The following NAALADL2 variants were observed in gnomAD, a reference collection of about 807,000 sequenced individuals.
NAALADL2 encodes the protein inactive N-acetylated-alpha-linked acidic dipeptidase-like protein 2.
NAALADL2 carries 76 observed loss-of-function variants against 87.2 expected under a neutral mutation model. That is an observed-to-expected ratio of 0.87 (90% CI 0.72 to 1.05). The LOEUF is 1.05. Among genes scored for constraint, NAALADL2 ranks in the 50% least tolerant of loss-of-function variants. The probability of loss-of-function intolerance (pLI) is 0.00; values close to 1 mark genes in which losing one functional copy is unlikely to be tolerated. For synonymous variants in NAALADL2, 354 were observed against 331.0 expected, an observed-to-expected ratio of 1.07 and a Z score of -0.75; for missense variants, 1,089 against 945.8, an observed-to-expected ratio of 1.15 and a Z score of -1.99.
At chr3:174,566,475 T>C (rs1000332413) in intron 2 of NAALADL2, among the ~76,000 whole-genome samples, 1 of 151,834 alleles carries the variant, frequency 6.6e-6, no homozygotes, top group Non-Finnish European at 1.5e-5. Context: ...AGTTTTACCA[T>C]GATGTGCCTA....
chr3:174,855,222 C>T (rs1395745507), upstream of NAALADL2, among the ~76,000 whole-genome samples: 1 of 152,056 alleles, frequency 6.6e-6, no homozygotes, highest in Non-Finnish European at 1.5e-5. Flanking sequence ...ATGTCTTATG[C>T]AAGACATTTT....
intron 3 of NAALADL2, among the ~76,000 whole-genome samples, chr3:174,778,546 A>G (rs891161015): frequency 2.6e-5 from 4 of 151,984 alleles, no homozygotes; most frequent in African/African-American, 9.7e-5. Flanking sequence ...GGTTTGTTAC[A>G]TGGGTATACA....
At chr3:175,774,572 A>G (rs888735878) in intron 13 of NAALADL2, among the ~76,000 whole-genome samples, 4 of 149,888 alleles carry the variant, frequency 2.7e-5, no homozygotes, top group Non-Finnish European at 4.5e-5. Context: ...TTGTTTGCAG[A>G]AAAAAAAAAT....
chr3:174,879,796 T>C (rs975795148), intron 1 of NAALADL2, among the ~76,000 whole-genome samples: 1 of 152,106 alleles, frequency 6.6e-6, no homozygotes, highest in East Asian at 1.9e-4. Flanking sequence ...AAGCCCATTT[T>C]CATCAAGCAT....
chr3:175,641,754 T>C (rs1002707776), intron 11 of NAALADL2, among the ~76,000 whole-genome samples: 7 of 152,206 alleles, frequency 4.6e-5, no homozygotes, highest in Admixed American at 6.5e-5. Flanking sequence ...AAAATTTTCC[T>C]ACTTACAGCT....
chr3:174,746,937 A>G (rs888452599), intron 3 of NAALADL2, among the ~76,000 whole-genome samples: 1 of 152,196 alleles, frequency 6.6e-6, no homozygotes, highest in Non-Finnish European at 1.5e-5. Flanking sequence ...CTCAAGATGG[A>G]TTAAAGACTG....
chr3:174,561,460 A>G (rs1399183674), intron 2 of NAALADL2, among the ~76,000 whole-genome samples: 1 of 152,008 alleles, frequency 6.6e-6, no homozygotes, highest in African/African-American at 2.4e-5. Context: ...TCGGCCTCCC[A>G]AAGTGCTGAG....
chr3:174,465,949 A>G (rs1435068769), intron 1 of NAALADL2, among the ~76,000 whole-genome samples: 1 of 152,128 alleles, frequency 6.6e-6, no homozygotes, highest in Admixed American at 6.5e-5. Flanking sequence ...AAGAGACCCA[A>G]CAGTTACACT....
intron 2 of NAALADL2, among the ~76,000 whole-genome samples, chr3:174,629,999 T>C (rs1721953022): frequency 6.6e-6 from 1 of 152,178 alleles, no homozygotes; most frequent in African/African-American, 2.4e-5. Context: ...CAACGTAATA[T>C]ACCATTTGGG....
chr3:175,678,718 C>G (rs1168764983), intron 11 of NAALADL2, among the ~76,000 whole-genome samples: 3 of 152,026 alleles, frequency 2.0e-5, no homozygotes, highest in African/African-American at 7.2e-5. Context: ...ACACCAGGGC[C>G]TGTCGTGGGG....
intron 10 of NAALADL2, among the ~76,000 whole-genome samples, chr3:175,581,618 TA>T (rs1352824676): frequency 2.0e-5 from 3 of 152,306 alleles, no homozygotes; most frequent in African/African-American, 7.2e-5. Flanking sequence ...ACTTAATGAG[TA>T]TTAGTTTCCT....
At chr3:174,756,736 T>G (rs1459156689) in intron 3 of NAALADL2, among the ~76,000 whole-genome samples, 1 of 152,192 alleles carries the variant, frequency 6.6e-6, no homozygotes, top group Non-Finnish European at 1.5e-5. Context: ...AGTAAAGATC[T>G]GCAGCACTTG....
intron 13 of NAALADL2, among the ~76,000 whole-genome samples, chr3:175,791,470 A>C (rs950386852): frequency 2.0e-5 from 3 of 152,136 alleles, no homozygotes; most frequent in Non-Finnish European, 4.4e-5. Context: ...TTTACATCTG[A>C]AAGAAGAGAA....
At chr3:175,662,199 T>A (rs1732352136) in intron 11 of NAALADL2, among the ~76,000 whole-genome samples, 1 of 151,984 alleles carries the variant, frequency 6.6e-6, no homozygotes, top group African/African-American at 2.4e-5. Flanking sequence ...CTTGCAGCGA[T>A]CTTTTATTTC....
intron 5 of NAALADL2, among the ~76,000 whole-genome samples, chr3:175,342,890 A>G (rs1762709210): frequency 6.6e-6 from 1 of 152,090 alleles, no homozygotes; most frequent in South Asian, 2.1e-4. Flanking sequence ...TCCTTTTGGA[A>G]AAGTCTAATA....
intron 2 of NAALADL2, among the ~76,000 whole-genome samples, chr3:174,570,058 C>T (rs1222895440): frequency 6.6e-6 from 1 of 152,112 alleles, no homozygotes; most frequent in Non-Finnish European, 1.5e-5. Flanking sequence ...ATCTGGAAAG[C>T]ACTTCCAGTC....
In NAALADL2 at chr3:174,479,571, A is replaced by G. The variant is rs552874633; in HGVS notation, c.-184+38539A>G. Among the ~76,000 whole-genome samples, 4 of 152,188 alleles carry G rather than the reference A, an allele frequency of 2.6e-5. No individual in the cohort carries two copies. The South Asian group carries it at 8.3e-4, about 32-fold the overall frequency. ...GGGCAGGCGGGTGCAGGTTGGGGAT[A>G]AGGATGGTCTATCTAACACTTCCTA... On this transcript the variant is annotated intron_variant, in intron 1 of 3. Coordinates refer to the NAALADL2 transcript ENST00000434257.
At chr3:174,830,461 C>T (rs1344208580) in intron 3 of NAALADL2, among the ~76,000 whole-genome samples, 2 of 151,886 alleles carry the variant, frequency 1.3e-5, no homozygotes, top group Middle Eastern at 3.2e-3. Context: ...TGTTCTTTTC[C>T]ATTGATCTAT....
chr3:174,449,485 T>TA (rs943620730), intron 1 of NAALADL2, among the ~76,000 whole-genome samples: 16 of 152,222 alleles, frequency 1.1e-4, no homozygotes, highest in African/African-American at 3.6e-4. Flanking sequence ...GGATAATTAG[T>TA]AGTGTCTGAG....
Sources: gnomAD v4.1 joint callset for allele counts (sites outside exome capture counted in the v4.1 genomes callset) on GRCh38, gnomAD v4.1.1 for gene constraint, MANE v1.5 for transcripts, NCBI Gene and HGNC (gene_info 2026-07-23, HGNC 2026-07-21) for gene names.